The following NUP153 variants were observed in gnomAD, a reference collection of about 807,000 sequenced individuals.
The protein encoded by NUP153 is nucleoporin 153.
In NUP153, 27 loss-of-function variants were observed where a neutral mutation model predicts 134.6. The observed-to-expected ratio is 0.20, with a 90% CI of 0.15 to 0.28. The LOEUF (loss-of-function observed/expected upper bound fraction) is 0.28. Ranked by LOEUF, NUP153 falls within the 10% of genes least tolerant of loss-of-function variation. NUP153 has a pLI of 1.00. For missense variants in NUP153, 1,821 were observed against 1,731.3 expected (o/e 1.05, Z -0.92); for synonymous variants, 640 against 623.5 (o/e 1.03, Z -0.40).
chr6:17,682,447 G>C (rs891751767), intron 2 of NUP153, among the ~76,000 whole-genome samples: 2 of 152,160 alleles, frequency 1.3e-5, no homozygotes, highest in African/African-American at 2.4e-5. Context: ...TTTAACGAAA[G>C]ATTTCTCTGT....
chr6:17,651,894 GA>G, intron 11 of NUP153: 1 of 678,400 alleles, frequency 1.5e-6, no homozygotes, highest in Non-Finnish European at 2.7e-6. Context: ...AGGAGCTCGA[GA>G]TCAGCTTGGG....
At chr6:17,679,380 A>G (rs915435430) in intron 2 of NUP153, among the ~76,000 whole-genome samples, 1 of 152,198 alleles carries the variant, frequency 6.6e-6, no homozygotes. Flanking sequence ...GAAAACAGAA[A>G]TGGAAAAATA....
At chr6:17,674,833 GTAATT>G (rs1768119409) in intron 5 of NUP153, 67 bp downstream of exon 5, 1 of 1,168,834 alleles carries the variant, frequency 8.6e-7, no homozygotes, top group Non-Finnish European at 1.2e-6. Flanking sequence ...TGAGCACAAA[GTAATT>G]TATTATCCAG....
In NUP153 at chr6:17,706,333, G is replaced by A. The variant is rs1478930788; in HGVS notation, c.55C>T (p.Arg19Trp). ...TTAATTGGCCCCTGGTGGCAACGCC[G>A]CGTCCGGATCTTGCCGCCACCGCCC... The part of the protein sequence containing the change: ...GGGGGGKIRT[R>W]RCHQGPIKPY... Residue 19 changes from arginine to tryptophan, a missense_variant, in exon 1 of 22, where the codon CGG (arginine) becomes TGG (tryptophan). By Grantham distance (101) the Arg-to-Trp change is moderately radical. Transcript: ENST00000262077. This position sits in a 1 kb window ranked among gnomAD's most constrained non-coding sequence, Gnocchi z 5.9. 1 of 1,613,498 alleles carries A rather than the reference G, an allele frequency of 6.2e-7. No homozygotes were observed. Among genetic ancestry groups the A allele is most frequent in the South Asian group, 1.1e-5 (1 of 91,078 alleles).
chr6:17,701,842 G>T (rs760223730), intron 1 of NUP153, among the ~76,000 whole-genome samples: 1 of 102,912 alleles, frequency 9.7e-6, no homozygotes, highest in Non-Finnish European at 2.1e-5. Flanking sequence ...CGGGGGGGGG[G>T]GGAAAAAAGC....
rs1764938740 is a variant in NUP153 at position 17,626,168 on chromosome 6, T to C, written c.3545-4A>G. On this transcript the variant is annotated splice_region_variant and splice_polypyrimidine_tract_variant and intron_variant, in intron 18 of 21. Coordinates refer to ENST00000262077, the MANE Select transcript of NUP153 (RefSeq NM_005124.4). ...ACTGGCTTTGCTGCACCTTGATCTG[T>C]AAGACAGAAATTAAGAAACAAACAT... The C allele has an allele frequency of 1.3e-6, 2 of 1,599,352 alleles. No homozygotes were observed. The highest frequency in any genetic ancestry group is 8.5e-7 in the Non-Finnish European group (1 of 1,170,152).
chr6:17,668,170 G>A (rs942501724), intron 8 of NUP153, among the ~76,000 whole-genome samples: 2 of 149,532 alleles, frequency 1.3e-5, no homozygotes, highest in Non-Finnish European at 3.0e-5. Flanking sequence ...CCGCCTCCCG[G>A]GTTCAAGTGA....
At chr6:17,631,918 G>C (rs899904195) in intron 17 of NUP153, among the ~76,000 whole-genome samples, 1 of 151,924 alleles carries the variant, frequency 6.6e-6, no homozygotes, top group African/African-American at 2.4e-5. Context: ...AGTGAGCAGA[G>C]ATCGGCCACT....
In NUP153 at chr6:17,637,696, C is replaced by A; in HGVS notation, c.1921G>T (p.Ala641Ser). 6.2e-7 allele frequency: 1 copy of A among 1,610,842 alleles called. No homozygotes were observed. Among genetic ancestry groups the A allele is most frequent in the Non-Finnish European group, 8.5e-7 (1 of 1,180,010 alleles). ...ATSPVVYTRP[A>S]ISSFSSSGIG... is the part of the protein sequence containing the mutation. The stretch of plus-strand genomic sequence containing the variant: ...CCACTAGAAGAAAAGCTACTTATTG[C>A]TGGTCTTGTATAAACTACTGGGCTT... Residue 641 changes from alanine (A) to serine (S), a missense_variant, in exon 16 of 22, where the codon GCA becomes TCA. By Grantham distance (99) the Ala-to-Ser change is moderately conservative. Transcript: ENST00000262077.
chr6:17,648,690 C>T (rs566474359), intron 12 of NUP153, among the ~76,000 whole-genome samples: 2 of 152,008 alleles, frequency 1.3e-5, no homozygotes, highest in African/African-American at 4.8e-5. Context: ...GTAGTCCCAG[C>T]TACTCAGGAG....
At chr6:17,683,864 T>C (rs967179613) in intron 2 of NUP153, among the ~76,000 whole-genome samples, 15 of 152,196 alleles carry the variant, frequency 9.9e-5, no homozygotes, top group African/African-American at 3.1e-4. Context: ...TCTGATAGTT[T>C]AGATGTTTGT....
At chr6:17,643,506 G>A (rs991914752) in intron 14 of NUP153, among the ~76,000 whole-genome samples, 6 of 152,050 alleles carry the variant, frequency 3.9e-5, no homozygotes, top group South Asian at 2.1e-4. Flanking sequence ...ACCACCACTC[G>A]TACAACTATG....
intron 2 of NUP153, among the ~76,000 whole-genome samples, chr6:17,683,490 G>A (rs9371008): frequency 0.47 from 71,091 of 152,024 alleles, 17,209 homozygotes; most frequent in Middle Eastern, 0.76. Context: ...CATTGTTAAT[G>A]AGCAGTGTTG....
At chr6:17,616,274 G>GT in intron 21 of NUP153, 93 bp from the exon 22 acceptor site, 3 of 531,770 alleles carry the variant, frequency 5.6e-6, no homozygotes, top group South Asian at 2.2e-5. Flanking sequence ...AGGGTAAGGG[G>GT]GGTCGGGTGG....
chr6:17,652,898 G>A (rs1206360864), intron 11 of NUP153, among the ~76,000 whole-genome samples: 1 of 151,866 alleles, frequency 6.6e-6, no homozygotes, highest in Non-Finnish European at 1.5e-5. Flanking sequence ...GCGTGGTGGC[G>A]CACACCTGTA....
chr6:17,699,497 A>G (rs893652777), intron 1 of NUP153, among the ~76,000 whole-genome samples: 1 of 148,880 alleles, frequency 6.7e-6, no homozygotes. Flanking sequence ...AAAAAAAAAA[A>G]GAAAATACAA....
intron 12 of NUP153, among the ~76,000 whole-genome samples, chr6:17,648,529 A>T (rs755348641): frequency 2.6e-5 from 4 of 152,148 alleles, no homozygotes; most frequent in African/African-American, 7.2e-5. Flanking sequence ...AGGCAGGATA[A>T]CCACTTGAAC....
At position 17,625,420 on chromosome 6, in the gene NUP153, C is replaced by T. The variant is rs1490903802; in HGVS notation, c.3901+388G>A. ...TGGCGGGCACCTGTAATCCCAGCTA[C>T]TCAGGAGGCTGAGGCAGGAGAATTG... On this transcript the variant is annotated intron_variant, in intron 19 of 21. Transcript: ENST00000262077. This position sits in a 1 kb window ranked among gnomAD's most constrained non-coding sequence, Gnocchi z 4.7. 2.0e-5 allele frequency among the ~76,000 whole-genome samples: 3 copies of T among 152,152 alleles called. No homozygotes were observed. The highest frequency in any genetic ancestry group is 4.4e-5 in the Non-Finnish European group (3 of 68,040).
At position 17,651,749 on chromosome 6, in the gene NUP153, C is replaced by T. The variant is rs1354855358; in HGVS notation, c.1396-2449G>A. The T allele has an allele frequency of 7.1e-6, 3 of 424,318 alleles. No homozygotes were observed. The East Asian group carries it at 1.0e-4, about 14-fold the overall frequency. The allele number at this position is 424,318 out of a possible 1,614,324, so 26.3% of individuals were successfully genotyped here. ...TTAAAAGGACAAATCACTATGGAGC[C>T]ATAGAATAAATGTAAAGTGTATGCT... On this transcript the variant is annotated intron_variant, in intron 11 of 21. Transcript: ENST00000262077.
Sources: allele counts gnomAD v4.1 joint callset (sites outside exome capture counted in the v4.1 genomes callset), GRCh38; gene constraint gnomAD v4.1.1; non-coding constraint Gnocchi (gnomAD v3.1); transcripts MANE v1.5; gene names NCBI Gene and HGNC (gene_info 2026-07-23, HGNC 2026-07-21).